KIFAP3: variants seen among roughly 807,000 people sequenced by gnomAD.
KIFAP3 encodes kinesin-associated protein 3.
In KIFAP3, 68 loss-of-function variants were observed where a neutral mutation model predicts 106.5. The observed-to-expected ratio is 0.64, with a 90% CI of 0.53 to 0.78. The LOEUF is 0.78. KIFAP3 is among the 30% of genes least tolerant of loss of function. The pLI, the probability that KIFAP3 is intolerant of heterozygous loss-of-function variation, is 0.00. For synonymous variants in KIFAP3, 320 were observed against 311.5 expected, an observed-to-expected ratio of 1.03 and a Z score of -0.29; for missense variants, 780 against 941.8, an observed-to-expected ratio of 0.83 and a Z score of 2.25.
At chr1:170,014,764 T>C (rs1234235914) in intron 10 of KIFAP3, among the ~76,000 whole-genome samples, 1 of 152,176 alleles carries the variant, frequency 6.6e-6, no homozygotes, top group African/African-American at 2.4e-5. Flanking sequence ...CAGAGTAACA[T>C]AAGTCAGCAA....
chr1:170,013,478 C>T (rs1408010072), intron 10 of KIFAP3, among the ~76,000 whole-genome samples: 2 of 140,546 alleles, frequency 1.4e-5, no homozygotes, highest in East Asian at 2.1e-4. Context: ...AACTGACATA[C>T]ATATATATAT....
chr1:170,049,234 C>T (rs1670445458), intron 2 of KIFAP3, among the ~76,000 whole-genome samples: 1 of 152,170 alleles, frequency 6.6e-6, no homozygotes, highest in Admixed American at 6.5e-5. Flanking sequence ...GAATTCACCA[C>T]AGTGTGGCAA....
Position 170,074,598 on chromosome 1 carries a change from G to A in KIFAP3, c.-131C>T, listed in dbSNP as rs1437298775. ...GTCCTGAGGCCTGCAAGGCGGGGCAGCAGCGGCGCTGTGGTTACCACGGTG... is the reference window on the plus strand; with the variant it reads ...GTCCTGAGGCCTGCAAGGCGGGGCAACAGCGGCGCTGTGGTTACCACGGTG... On this transcript the variant is annotated 5_prime_UTR_variant, in exon 1 of 20. Transcript: ENST00000361580. 5.2e-6 allele frequency: 8 copies of A among 1,539,964 alleles called. No individual in the cohort carries two copies. Among genetic ancestry groups the A allele is most frequent in the Non-Finnish European group, 7.0e-6 (8 of 1,141,070 alleles).
chr1:170,079,490 G>A (rs1412713617), upstream of KIFAP3, among the ~76,000 whole-genome samples: 1 of 151,730 alleles, frequency 6.6e-6, no homozygotes, highest in Non-Finnish European at 1.5e-5. Context: ...AACAGAAGCA[G>A]AAAATTAATA....
At chr1:169,934,675 A>C (rs1558175315) in intron 19 of KIFAP3, among the ~76,000 whole-genome samples, 1 of 152,148 alleles carries the variant, frequency 6.6e-6, no homozygotes, top group Non-Finnish European at 1.5e-5. Context: ...CTTATAAGCA[A>C]AGCTGGGCAA....
chr1:169,989,526 C>A (rs1666997556), intron 11 of KIFAP3, among the ~76,000 whole-genome samples: 1 of 152,000 alleles, frequency 6.6e-6, no homozygotes, highest in Non-Finnish European at 1.5e-5. Flanking sequence ...TGGAGTGAGA[C>A]TGTAGTAAAT....
At chr1:170,005,075 G>A (rs1667876389) in intron 10 of KIFAP3, among the ~76,000 whole-genome samples, 1 of 151,990 alleles carries the variant, frequency 6.6e-6, no homozygotes, top group Admixed American at 6.6e-5. Context: ...CTCAAAAGAA[G>A]ACATTTATGC....
upstream of KIFAP3, among the ~76,000 whole-genome samples, chr1:170,078,096 A>G (rs1671953274): frequency 6.6e-6 from 1 of 152,232 alleles, no homozygotes; most frequent in Non-Finnish European, 1.5e-5. Flanking sequence ...TATGGTAAAT[A>G]TATGAATGAC....
At chr1:170,020,621 G>C (rs1178296002) in intron 9 of KIFAP3, among the ~76,000 whole-genome samples, 1 of 151,940 alleles carries the variant, frequency 6.6e-6, no homozygotes, top group Non-Finnish European at 1.5e-5. Context: ...ATAATTTTTT[G>C]TATTTTTTAG....
At chr1:169,937,410 T>C (rs780282072) in intron 19 of KIFAP3, among the ~76,000 whole-genome samples, 1 of 151,736 alleles carries the variant, frequency 6.6e-6, no homozygotes, top group Non-Finnish European at 1.5e-5. Flanking sequence ...AGAGCAGCAA[T>C]AACAACATAA....
Position 170,035,473 on chromosome 1 carries a change from T to C in KIFAP3, c.598A>G (p.Ile200Val), listed in dbSNP as rs1327301007. The change falls in exon 6 of 20, where the codon ATC becomes GTC. Residue 200 changes from isoleucine (I) to valine (V), a missense_variant. Ile to Val is a conservative substitution (Grantham distance 29). Transcript: ENST00000361580. Reference sequence around the variant, plus strand: ...ACTTACCTGGAGAAACAAAAAAAGATGTAAATTATGTTTGTAGCTAACTCG... The same window carrying C: ...ACTTACCTGGAGAAACAAAAAAAGACGTAAATTATGTTTGTAGCTAACTCG... The part of the protein sequence containing the change: ...SVELATNIIY[I>V]FFCFSSFSQF... 2 of 1,606,882 alleles carry C rather than the reference T, an allele frequency of 1.2e-6. No homozygotes were observed. The highest frequency in any genetic ancestry group is 8.5e-7 in the Non-Finnish European group (1 of 1,176,070).
At chr1:169,935,735 G>T (rs1663758994) in intron 19 of KIFAP3, among the ~76,000 whole-genome samples, 1 of 151,724 alleles carries the variant, frequency 6.6e-6, no homozygotes, top group Non-Finnish European at 1.5e-5. Context: ...TAAGAATCAA[G>T]ATAAATACAC....
At chr1:169,952,488 T>C (rs984983776) in intron 19 of KIFAP3, among the ~76,000 whole-genome samples, 1 of 152,082 alleles carries the variant, frequency 6.6e-6, no homozygotes, top group African/African-American at 2.4e-5. Context: ...GATACATGTA[T>C]ATAAACAAAT....
chr1:169,986,334 C>A (rs1666827809), intron 11 of KIFAP3, among the ~76,000 whole-genome samples: 1 of 151,756 alleles, frequency 6.6e-6, no homozygotes. Context: ...AAACACAATA[C>A]CACTCAAATT....
chr1:170,079,211 C>T (rs1671976090), upstream of KIFAP3, among the ~76,000 whole-genome samples: 1 of 152,088 alleles, frequency 6.6e-6, no homozygotes, highest in Admixed American at 6.6e-5. Flanking sequence ...ACAAAAAGAG[C>T]CTAGCACCTC....
At chr1:170,018,670 T>G (rs1374776296) in intron 9 of KIFAP3, among the ~76,000 whole-genome samples, 2 of 150,444 alleles carry the variant, frequency 1.3e-5, no homozygotes, top group African/African-American at 4.9e-5. Context: ...CTAAAATATT[T>G]ATTTATACCA....
chr1:169,928,781 GC>G (rs1329164174), intron 19 of KIFAP3, among the ~76,000 whole-genome samples: 2 of 150,144 alleles, frequency 1.3e-5, no homozygotes, highest in African/African-American at 4.9e-5. Context: ...TTGAAAACTG[GC>G]TGGAAATTTT....
intron 17 of KIFAP3, among the ~76,000 whole-genome samples, chr1:169,971,981 A>G (rs546341768): frequency 6.6e-6 from 1 of 152,152 alleles, no homozygotes; most frequent in South Asian, 2.1e-4. Context: ...CTCAACACTT[A>G]GATCATCTCT....
chr1:169,963,782 C>T (rs756016311), intron 17 of KIFAP3, among the ~76,000 whole-genome samples: 2 of 152,166 alleles, frequency 1.3e-5, no homozygotes, highest in Non-Finnish European at 2.9e-5. Context: ...GCGTGAGCCA[C>T]CGTGTCTGGC....
Sources: gnomAD v4.1 joint callset for allele counts (sites outside exome capture counted in the v4.1 genomes callset) on GRCh38, gnomAD v4.1.1 for gene constraint, MANE v1.5 for transcripts, NCBI Gene and HGNC (gene_info 2026-07-23, HGNC 2026-07-21) for gene names.